The following HEXA variants were observed in gnomAD, a reference collection of about 807,000 sequenced individuals.
HEXA encodes hexosaminidase subunit alpha, also known as beta-hexosaminidase subunit alpha.
A neutral mutation model predicts 73.3 loss-of-function variants in HEXA; 54 were observed. That is an observed-to-expected ratio of 0.74 (90% CI 0.59 to 0.92). The LOEUF (loss-of-function observed/expected upper bound fraction) is 0.92. Ranked by LOEUF, HEXA falls within the 40% of genes least tolerant of loss-of-function variation. The pLI is 0.00. For missense variants in HEXA, 649 were observed against 653.0 expected, an observed-to-expected ratio of 0.99 and a Z score of 0.07; for synonymous variants, 230 against 246.9, an observed-to-expected ratio of 0.93 and a Z score of 0.64.
Position 72,347,718 on chromosome 15 carries a change from C to T in HEXA, c.1114G>A (p.Val372Met), listed in dbSNP as rs759434633. 7 of 1,614,098 alleles carry T rather than the reference C, an allele frequency of 4.3e-6. No homozygotes were observed. The highest frequency in any genetic ancestry group is 4.2e-6 in the Non-Finnish European group (5 of 1,180,044). ...TTATTATCAAACACCTCCTGCCACA[C>T]CACATAGCCCTTGCCATAAGAAGAG... The part of the protein sequence containing the change: ...IVSSYGKGYV[V>M]WQEVFDNKVK... The change falls in exon 10 of 14, where the codon GTG (valine) becomes ATG (methionine). Residue 372 changes from valine (V) to methionine (M), a missense_variant. By Grantham distance (21) the Val-to-Met change is conservative. Coordinates refer to ENST00000268097, the MANE Select transcript of HEXA (RefSeq NM_000520.6).
chr15:72,362,561 G>C (rs955264230), intron 1 of HEXA: 2 of 442,910 alleles, frequency 4.5e-6, no homozygotes, highest in South Asian at 3.2e-5. Flanking sequence ...TTAATGTAGA[G>C]ATTACTTTTA....
In HEXA at chr15:72,350,583, C is replaced by T. The variant is rs1360213217; in HGVS notation, c.740G>A (p.Arg247Gln). ...QDVKEVIEYA[R>Q]LRGIRVLAEF... ...TGCAAGCACACGGATACCCCGGAGC[C>T]GTGCGTATTCAATGACCTCCTTCAC... The change falls in exon 7 of 14, where the codon CGG becomes CAG. Residue 247 changes from arginine (R) to glutamine (Q), a missense_variant. Transcript: ENST00000268097. The T allele has an allele frequency of 8.7e-6, 14 of 1,614,014 alleles. No individual in the cohort carries two copies. Among genetic ancestry groups the T allele is most frequent in the South Asian group, 3.3e-5 (3 of 91,078 alleles).
intron 3 of HEXA, chr15:72,354,034 A>C: frequency 2.0e-6 from 1 of 494,222 alleles, no homozygotes; most frequent in East Asian, 3.8e-5. Context: ...GTGCCTTCAC[A>C]AGAATATTGA....
intron 1 of HEXA, among the ~76,000 whole-genome samples, chr15:72,373,546 A>C (rs2089019850): frequency 6.6e-6 from 1 of 152,260 alleles, no homozygotes; most frequent in Non-Finnish European, 1.5e-5. Flanking sequence ...ACTTACAGGA[A>C]GGTAATATAT....
intron 11 of HEXA, 48 bp downstream of exon 11, chr15:72,346,479 C>T: frequency 6.3e-7 from 1 of 1,593,060 alleles, no homozygotes; most frequent in Non-Finnish European, 8.6e-7. Flanking sequence ...CCATCCTGTG[C>T]CCCAACCCAG....
rs2089057551 is a variant in HEXA at position 72,375,804 on chromosome 15, C to T, written c.169G>A (p.Gly57Ser). The change falls in exon 1 of 14, where the codon GGC becomes AGC. Residue 57 changes from glycine to serine, a missense_variant. By Grantham distance (56) the Gly-to-Ser change is moderately conservative (BLOSUM62 0). Coordinates refer to ENST00000268097, the MANE Select transcript of HEXA (RefSeq NM_000520.6). ...AAGGCCTCGTCGAGGACTGAGCAGCCGGGCTGCGCGGCCGAGCTGACATCG... is the reference window on the plus strand; with the variant it reads ...AAGGCCTCGTCGAGGACTGAGCAGCTGGGCTGCGCGGCCGAGCTGACATCG... ...QYDVSSAAQP[G>S]CSVLDEAFQR... 1 of 1,614,224 alleles carries T rather than the reference C, an allele frequency of 6.2e-7. No homozygotes were observed.
chr15:72,358,725 G>A (rs1385739288), intron 1 of HEXA: 1 of 152,176 alleles, frequency 6.6e-6, no homozygotes, highest in Non-Finnish European at 1.5e-5. Flanking sequence ...AGTAGATACG[G>A]GGGCATGGCT....
At chr15:72,371,386 TG>T (rs1402399164) in intron 1 of HEXA, among the ~76,000 whole-genome samples, 4 of 151,518 alleles carry the variant, frequency 2.6e-5, no homozygotes, top group Admixed American at 2.6e-4. Flanking sequence ...GCAGGCAGAG[TG>T]GTTGAGCCCA....
In HEXA at chr15:72,349,125, C is replaced by G; in HGVS notation, c.940G>C (p.Asp314His). Residue 314 changes from aspartate to histidine, a missense_variant, in exon 8 of 14, where the codon GAT becomes CAT. By Grantham distance (81) the Asp-to-His change is moderately conservative. Transcript: ENST00000268097. ...FFLEVSSVFP[D>H]FYLHLGGDEV... ...TCTCCTCCAAGATGAAGATAAAAAT[C>G]TGGGAAGACAGAGCTGACTTCTAAG... 7 of 1,614,104 alleles carry G rather than the reference C, an allele frequency of 4.3e-6. No homozygotes were observed. The highest frequency in any genetic ancestry group is 5.9e-6 in the Non-Finnish European group (7 of 1,179,984).
intron 5 of HEXA, among the ~76,000 whole-genome samples, chr15:72,352,066 C>T (rs2088705575): frequency 6.6e-6 from 1 of 152,144 alleles, no homozygotes; most frequent in Non-Finnish European, 1.5e-5. Context: ...AGGTGATTCT[C>T]CCATCACAGA....
chr15:72,369,254 TA>T (rs1254724658), intron 1 of HEXA, among the ~76,000 whole-genome samples: 1 of 152,218 alleles, frequency 6.6e-6, no homozygotes, highest in Non-Finnish European at 1.5e-5. Flanking sequence ...GAAGAAAATA[TA>T]ATCCATTTCT....
intron 7 of HEXA, chr15:72,350,162 G>C: frequency 2.8e-6 from 1 of 356,492 alleles, no homozygotes; most frequent in Non-Finnish European, 5.4e-6. Flanking sequence ...ACAGAAGAAA[G>C]GGAGCAGGGG....
In HEXA at chr15:72,346,724, T is replaced by C. The variant is rs1402089878; in HGVS notation, c.1147-14A>G. 1 of 1,613,506 alleles carries C rather than the reference T, an allele frequency of 6.2e-7. No homozygotes were observed. On this transcript the variant is annotated splice_polypyrimidine_tract_variant and intron_variant, in intron 10 of 13. Transcript: ENST00000268097. ...GTCTGGCTGAATCTGTTATAAAAGG[T>C]CAAATGGCAGTAAGGACACAAAGCT...
intron 7 of HEXA, 76 bp from the exon 8 acceptor site, chr15:72,349,335 G>C: frequency 8.6e-7 from 1 of 1,165,598 alleles, no homozygotes; most frequent in Non-Finnish European, 1.3e-6. Flanking sequence ...GTAAGGACAC[G>C]AGTCACACAA....
chr15:72,367,468 T>A (rs2088932484), intron 1 of HEXA, among the ~76,000 whole-genome samples: 1 of 152,178 alleles, frequency 6.6e-6, no homozygotes, highest in Admixed American at 6.5e-5. Flanking sequence ...TCAACCCAAC[T>A]TCAGCCACTA....
chr15:72,353,403 C>T (rs2088728790), intron 4 of HEXA, among the ~76,000 whole-genome samples: 1 of 152,170 alleles, frequency 6.6e-6, no homozygotes, highest in Non-Finnish European at 1.5e-5. Flanking sequence ...CCAAACACCA[C>T]TCAGCCTACA....
chr15:72,361,278 T>C (rs1358390049), intron 1 of HEXA, among the ~76,000 whole-genome samples: 1 of 152,172 alleles, frequency 6.6e-6, no homozygotes, highest in Admixed American at 6.5e-5. Context: ...CTCCCTTAGC[T>C]TAGGGGACAT....
chr15:72,350,166 G>A, intron 7 of HEXA: 1 of 364,478 alleles, frequency 2.7e-6, no homozygotes, highest in Non-Finnish European at 5.3e-6. Context: ...AAGAAAGGGA[G>A]CAGGGGTACT....
intron 1 of HEXA, among the ~76,000 whole-genome samples, chr15:72,365,827 G>C (rs1005838044): frequency 6.6e-6 from 1 of 152,034 alleles, no homozygotes; most frequent in Non-Finnish European, 1.5e-5. Context: ...CTTGTCTCTG[G>C]AATCTATTTT....
Sources: allele counts gnomAD v4.1 joint callset (sites outside exome capture counted in the v4.1 genomes callset), GRCh38; gene constraint gnomAD v4.1.1; transcripts MANE v1.5; gene names NCBI Gene and HGNC (gene_info 2026-07-23, HGNC 2026-07-21).